ADCY3: variants seen among roughly 807,000 people sequenced by gnomAD.
ADCY3 encodes adenylate cyclase type 3.
ADCY3 carries 70 observed loss-of-function variants against 119.4 expected under a neutral mutation model. The observed-to-expected ratio is 0.59, with a 90% CI of 0.48 to 0.72. The LOEUF (loss-of-function observed/expected upper bound fraction) is 0.72, where lower values mean the gene tolerates loss of function less well. Among genes scored for constraint, ADCY3 ranks in the 30% least tolerant of loss-of-function variants. The pLI is 0.00. For missense variants in ADCY3, 1,238 were observed against 1,541.6 expected (o/e 0.80, Z 3.30); for synonymous variants, 672 against 621.4 (o/e 1.08, Z -1.21).
At position 24,830,717 on chromosome 2, in the gene ADCY3, C is replaced by T. The variant is rs749288972; in HGVS notation, c.2164G>A (p.Val722Met). The T allele has an allele frequency of 1.6e-4, 252 of 1,613,586 alleles. No homozygotes were observed. Among genetic ancestry groups the T allele is most frequent in the Non-Finnish European group, 2.0e-4 (235 of 1,179,788 alleles). ...GGACAGCAGGAGCTCACCATGTCCACGACATTTGCCATCACCAGGATGAAG... is the reference window on the plus strand; with the variant it reads ...GGACAGCAGGAGCTCACCATGTCCATGACATTTGCCATCACCAGGATGAAG... Reference protein sequence around the residue: ...AIFILVMANVVDMLSCLQYYT... With the variant: ...AIFILVMANVMDMLSCLQYYT... The change falls in exon 13 of 22, where the codon GTG (valine) becomes ATG (methionine). Residue 722 changes from valine to methionine, a missense_variant. Coordinates refer to ENST00000679454, the MANE Select transcript of ADCY3 (RefSeq NM_004036.5).
chr2:24,827,230 CCA>C (rs1444046053), intron 15 of ADCY3, among the ~76,000 whole-genome samples: 9 of 152,268 alleles, frequency 5.9e-5, no homozygotes, highest in African/African-American at 2.2e-4. Flanking sequence ...TGCCTGTGAC[CCA>C]CAGAGAATTA....
rs1319845022 is a variant in ADCY3 at position 24,842,422 on chromosome 2, C to T, written c.826-38G>A. On this transcript the variant is annotated intron_variant, in intron 3 of 21. Transcript: ENST00000679454. The surrounding 1 kb of genome is among the most constrained non-coding windows in gnomAD (Gnocchi z 4.9). ...GGAGAGGGTCAGAGGCAAAGGTAGG[C>T]CCTGCTAGAGGCAAGTTCAGATACT... is the stretch of plus-strand genomic sequence containing the variant. 1 of 1,613,102 alleles carries T rather than the reference C, an allele frequency of 6.2e-7. No individual in the cohort carries two copies. Among genetic ancestry groups the T allele is most frequent in the Admixed American group, 1.7e-5 (1 of 59,940 alleles).
rs144669155 is a variant in ADCY3 at position 24,912,551 on chromosome 2, ATG to A, written c.675+5760_675+5761del. Among the ~76,000 whole-genome samples the A allele has an allele frequency of 1.9e-3, 187 of 98,678 alleles. 1 individual carries two copies. Among genetic ancestry groups the A allele is most frequent in the African/African-American group, 6.6e-3 (148 of 22,352 alleles). The allele number at this position is 98,678 out of a possible 152,430, so 64.7% of individuals were successfully genotyped here. ...AGACCAAGCCCAGGAGTGAGCACGC[ATG>A]TGTGTGTGTGTGTGCATGTGTGTGT... On this transcript the variant is annotated intron_variant, in intron 2 of 21. Coordinates refer to ENST00000679454, the MANE Select transcript of ADCY3 (RefSeq NM_004036.5).
At chr2:24,910,872 C>T (rs2149048918) in intron 2 of ADCY3, among the ~76,000 whole-genome samples, 1 of 152,210 alleles carries the variant, frequency 6.6e-6, no homozygotes, top group East Asian at 1.9e-4. Flanking sequence ...GTCTCGATCT[C>T]CTGACCTCGT....
At chr2:24,865,525 G>A (rs1179427460) in intron 3 of ADCY3, among the ~76,000 whole-genome samples, 1 of 147,478 alleles carries the variant, frequency 6.8e-6, no homozygotes, top group Non-Finnish European at 1.5e-5. Flanking sequence ...GTGTGTGTGT[G>A]TGTGTGTGTG....
intron 11 of ADCY3, among the ~76,000 whole-genome samples, chr2:24,833,717 T>C (rs1030573940): frequency 1.3e-5 from 2 of 150,516 alleles, no homozygotes; most frequent in Non-Finnish European, 1.5e-5. Flanking sequence ...TCAATACTTA[T>C]GGAATGAGTG....
chr2:24,838,725 C>G (rs1266184126), intron 7 of ADCY3, 103 bp from the exon 8 acceptor site: 3 of 1,586,544 alleles, frequency 1.9e-6, no homozygotes, highest in African/African-American at 2.7e-5. Context: ...TGCTCGGCCC[C>G]GTGTCTCTCG....
intron 2 of ADCY3, among the ~76,000 whole-genome samples, chr2:24,913,471 A>T (rs912094179): frequency 6.6e-6 from 1 of 152,166 alleles, no homozygotes; most frequent in African/African-American, 2.4e-5. Flanking sequence ...GGTTCCAGAG[A>T]AAGAGAGGCT....
At chr2:24,828,623 T>C (rs974774029) in intron 13 of ADCY3, among the ~76,000 whole-genome samples, 11 of 152,242 alleles carry the variant, frequency 7.2e-5, no homozygotes, top group Non-Finnish European at 1.5e-5. Flanking sequence ...GGATGTTCAC[T>C]GCCTTCTGGA....
At chr2:24,903,213 C>T (rs1573036924) in intron 2 of ADCY3, among the ~76,000 whole-genome samples, 1 of 151,968 alleles carries the variant, frequency 6.6e-6, no homozygotes, top group East Asian at 1.9e-4. Flanking sequence ...ACCCCTAACG[C>T]CTGTGTGGTT....
intron 2 of ADCY3, among the ~76,000 whole-genome samples, chr2:24,891,103 C>T (rs1207734788): frequency 6.6e-6 from 1 of 152,064 alleles, no homozygotes; most frequent in Non-Finnish European, 1.5e-5. Flanking sequence ...CTCCTGACCT[C>T]AAGGATGCAC....
chr2:24,849,673 T>C (rs938545770), intron 3 of ADCY3, among the ~76,000 whole-genome samples: 5 of 152,178 alleles, frequency 3.3e-5, no homozygotes, highest in Non-Finnish European at 7.4e-5. Flanking sequence ...CCTGGAGTCA[T>C]TCTGGTAACA....
rs1667333659 is a variant in ADCY3, at chr2:24,820,124, G to A, written c.3253-10C>T. ...GGGTTTCTTCTACCACCTGGAGAGG[G>A]AGGGGGAGCAAGAACGTGGCGTTAC... On this transcript the variant is annotated splice_polypyrimidine_tract_variant and intron_variant, in intron 21 of 21. Coordinates refer to ENST00000679454, the MANE Select transcript of ADCY3 (RefSeq NM_004036.5). 5 of 1,530,452 alleles carry A rather than the reference G, an allele frequency of 3.3e-6. No homozygotes were observed. The highest frequency in any genetic ancestry group is 1.3e-5 in the South Asian group (1 of 78,418). The allele number at this position is 1,530,452 out of a possible 1,614,324, so 94.8% of individuals were successfully genotyped here.
chr2:24,853,671 T>C (rs1462639202), intron 3 of ADCY3, among the ~76,000 whole-genome samples: 3 of 152,132 alleles, frequency 2.0e-5, no homozygotes, highest in East Asian at 3.9e-4. Context: ...GGTTTCACCA[T>C]GTTGGCCAGC....
intron 11 of ADCY3, among the ~76,000 whole-genome samples, chr2:24,833,621 A>G (rs1669898164): frequency 6.6e-6 from 1 of 152,170 alleles, no homozygotes; most frequent in Non-Finnish European, 1.5e-5. Flanking sequence ...ACCAGAACCC[A>G]AGTTTCACGA....
rs1201387570 is a variant in ADCY3 at position 24,884,471 on chromosome 2, CT to C, written c.676-11753del. On this transcript the variant is annotated intron_variant, in intron 2 of 21. Transcript: ENST00000679454. Reference sequence around the variant, plus strand: ...TTTATTGTCTTTATTTTCTAATAATCTTTTTTTTTTTTTTTTTTTTTTGAGA... The same window carrying C: ...TTTATTGTCTTTATTTTCTAATAATCTTTTTTTTTTTTTTTTTTTTTGAGA... 4.7e-3 allele frequency among the ~76,000 whole-genome samples: 458 copies of C among 97,802 alleles called. 2 individuals carry two copies. The highest frequency in any genetic ancestry group is 0.014 in the African/African-American group (288 of 20,514). The allele number at this position is 97,802 out of a possible 152,430, so 64.2% of individuals were successfully genotyped here. A position where few individuals can be genotyped will look rare whatever the true frequency, so the allele number is the denominator to read the frequency against.
At position 24,919,190 on chromosome 2, in the gene ADCY3, A is replaced by C; in HGVS notation, c.-197-6T>G. ...GTAGCACTGATCAGCTAGAACTGAA[A>C]AGGGCATTGCTGAGTAGAAGCACCT... On this transcript the variant is annotated splice_polypyrimidine_tract_variant and splice_region_variant and intron_variant, in intron 1 of 21. Transcript: ENST00000679454. The surrounding 1 kb of genome is among the most constrained non-coding windows in gnomAD (Gnocchi z 5.5). The C allele has an allele frequency of 1.7e-6, 1 of 589,918 alleles. No homozygotes were observed. The allele number at this position is 589,918 out of a possible 1,614,324, so 36.5% of individuals were successfully genotyped here.
intron 3 of ADCY3, among the ~76,000 whole-genome samples, chr2:24,870,264 T>C (rs1173250314): frequency 1.4e-5 from 2 of 139,956 alleles, no homozygotes; most frequent in East Asian, 2.1e-4. Flanking sequence ...GAGGTTGCAG[T>C]GAGCCGAGAT....
chr2:24,885,705 A>G (rs989089861), intron 2 of ADCY3, among the ~76,000 whole-genome samples: 1 of 152,192 alleles, frequency 6.6e-6, no homozygotes, highest in African/African-American at 2.4e-5. Flanking sequence ...GAACACATTA[A>G]TCTTCCAAAA....
Sources: gnomAD v4.1 joint callset for allele counts (sites outside exome capture counted in the v4.1 genomes callset) on GRCh38, gnomAD v4.1.1 for gene constraint, Gnocchi (gnomAD v3.1) non-coding constraint, MANE v1.5 for transcripts, NCBI Gene and HGNC (gene_info 2026-07-23, HGNC 2026-07-21) for gene names.